The following DPP10 variants were observed in gnomAD, a reference collection of about 807,000 sequenced individuals.
DPP10 encodes inactive dipeptidyl peptidase 10.
DPP10 carries 33 observed loss-of-function variants against 120.9 expected under a neutral mutation model. The ratio of observed to expected loss-of-function variants is 0.27; its 90% CI spans 0.21 to 0.37. DPP10 has a LOEUF of 0.37. Among genes scored for constraint, DPP10 ranks in the 10% least tolerant of loss-of-function variants. The pLI is 1.00. For synonymous variants in DPP10, 337 were observed against 326.1 expected, an observed-to-expected ratio of 1.03 and a Z score of -0.36; for missense variants, 816 against 942.8, an observed-to-expected ratio of 0.87 and a Z score of 1.76.
At chr2:115,798,284 T>C (rs1684769306) in intron 19 of DPP10, among the ~76,000 whole-genome samples, 1 of 151,972 alleles carries the variant, frequency 6.6e-6, no homozygotes, top group Non-Finnish European at 1.5e-5. Context: ...CTGTTTTAAT[T>C]AGTTATTTGT....
intron 1 of DPP10, among the ~76,000 whole-genome samples, chr2:114,726,637 A>G (rs1702068662): frequency 6.6e-6 from 1 of 152,206 alleles, no homozygotes; most frequent in South Asian, 2.1e-4. Context: ...TATTTCAATT[A>G]TGGAAAAATA....
Position 115,842,532 on chromosome 2 carries a change from T to C in DPP10, c.*187T>C, listed in dbSNP as rs186254484. 7.1e-5 allele frequency: 41 copies of C among 573,780 alleles called. No homozygotes were observed. In the East Asian group the frequency reaches 8.5e-4, roughly 12 times the overall value. 35.5% of individuals were successfully genotyped at this position (573,780 alleles called of 1,614,324 possible). A position where few individuals can be genotyped will look rare whatever the true frequency, so the allele number is the denominator to read the frequency against. ...TCCAAGTCTACTGTGTTGCTAGGGG[T>C]GCAGAACCCGTTTCTTTGTATGAGA... On this transcript the variant is annotated 3_prime_UTR_variant, in exon 26 of 26. Transcript: ENST00000410059.
chr2:115,687,819 G>A (rs143641534), intron 5 of DPP10, among the ~76,000 whole-genome samples: 1 of 152,148 alleles, frequency 6.6e-6, no homozygotes, highest in East Asian at 1.9e-4. Flanking sequence ...CAGTTGTTAG[G>A]TCTCAGTGTC....
At chr2:114,961,033 CTTTTTTTTTTTTTTTTT>C (rs772146022) in intron 1 of DPP10, among the ~76,000 whole-genome samples, 14 of 52,024 alleles carry the variant, frequency 2.7e-4, no homozygotes, top group African/African-American at 7.5e-4. Context: ...CTCTATACGC[CTTTTTTTTTTTTTTTTT>C]TTTTTTTTTT....
At chr2:114,495,877 A>G (rs1352317667) in intron 1 of DPP10, among the ~76,000 whole-genome samples, 2 of 152,202 alleles carry the variant, frequency 1.3e-5, no homozygotes, top group South Asian at 2.1e-4. Context: ...AACTGAATAT[A>G]TAGATAGACA....
intron 3 of DPP10, among the ~76,000 whole-genome samples, chr2:115,440,087 A>G (rs956987559): frequency 6.6e-6 from 1 of 151,866 alleles, no homozygotes; most frequent in Admixed American, 6.6e-5. Flanking sequence ...TTTTCTTAGT[A>G]TGATGCCTAT....
intron 1 of DPP10, among the ~76,000 whole-genome samples, chr2:114,868,574 C>T (rs1690426621): frequency 6.6e-6 from 1 of 152,134 alleles, no homozygotes; most frequent in African/African-American, 2.4e-5. Flanking sequence ...TATACAAGGA[C>T]ACACACTTGG....
At chr2:114,928,530 C>T (rs564901985) in intron 1 of DPP10, among the ~76,000 whole-genome samples, 52 of 152,270 alleles carry the variant, frequency 3.4e-4, no homozygotes, top group Middle Eastern at 3.4e-3. Context: ...CATGGCTTTG[C>T]TGGGTGCAAT....
intron 1 of DPP10, among the ~76,000 whole-genome samples, chr2:114,897,766 A>G (rs1228690269): frequency 6.6e-5 from 10 of 152,254 alleles, no homozygotes; most frequent in Admixed American, 2.0e-4. Context: ...ATCACTGGCC[A>G]TTAGAGAAAT....
At chr2:114,858,929 T>TG (rs1193044073) in intron 1 of DPP10, among the ~76,000 whole-genome samples, 8 of 152,294 alleles carry the variant, frequency 5.3e-5, no homozygotes, top group African/African-American at 1.7e-4. Flanking sequence ...TCTCCCCACA[T>TG]GGAGTCTATC....
intron 1 of DPP10, among the ~76,000 whole-genome samples, chr2:114,836,933 G>T (rs112509229): frequency 6.6e-6 from 1 of 152,110 alleles, no homozygotes; most frequent in Admixed American, 6.5e-5. Context: ...TGTTCCACCC[G>T]GTCACTGGTG....
chr2:115,837,307 T>G (rs1689637135), intron 24 of DPP10, among the ~76,000 whole-genome samples: 1 of 152,192 alleles, frequency 6.6e-6, no homozygotes, highest in Non-Finnish European at 1.5e-5. Flanking sequence ...ATGTTAGTAG[T>G]AATAAATAAT....
chr2:114,904,042 A>G (rs928296077), intron 1 of DPP10, among the ~76,000 whole-genome samples: 1 of 152,234 alleles, frequency 6.6e-6, no homozygotes, highest in African/African-American at 2.4e-5. Flanking sequence ...AAATACTGCT[A>G]CAACAAATAC....
intron 1 of DPP10, among the ~76,000 whole-genome samples, chr2:114,776,520 G>A (rs185984344): frequency 3.7e-4 from 57 of 152,190 alleles, no homozygotes; most frequent in Non-Finnish European, 2.8e-4. Context: ...AGGAGCTAGC[G>A]CTAGATCTGA....
chr2:114,501,664 A>G (rs1279528194), intron 1 of DPP10, among the ~76,000 whole-genome samples: 1 of 152,178 alleles, frequency 6.6e-6, no homozygotes, highest in Non-Finnish European at 1.5e-5. Context: ...ACTACGCCCC[A>G]TTAGGTGTCT....
chr2:115,806,007 C>T (rs548201842), intron 19 of DPP10, among the ~76,000 whole-genome samples: 21 of 152,248 alleles, frequency 1.4e-4, no homozygotes, highest in African/African-American at 5.1e-4. Flanking sequence ...TCATGTTGGA[C>T]AACTACTAAG....
At chr2:114,836,617 A>G (rs1687759919) in intron 1 of DPP10, among the ~76,000 whole-genome samples, 1 of 152,212 alleles carries the variant, frequency 6.6e-6, no homozygotes, top group South Asian at 2.1e-4. Context: ...TAAATTGCTA[A>G]TGAAGTTTCG....
chr2:114,711,159 T>C (rs1027053957), intron 1 of DPP10, among the ~76,000 whole-genome samples: 8 of 152,160 alleles, frequency 5.3e-5, no homozygotes, highest in Non-Finnish European at 1.2e-4. Context: ...CCATCAACGT[T>C]TGAGTGCCCT....
chr2:114,775,390 G>T (rs1442505785), intron 1 of DPP10, among the ~76,000 whole-genome samples: 1 of 152,140 alleles, frequency 6.6e-6, no homozygotes, highest in African/African-American at 2.4e-5. Flanking sequence ...TTCTAAAAGG[G>T]AGTTTGTGGT....
Sources: allele counts gnomAD v4.1 joint callset (sites outside exome capture counted in the v4.1 genomes callset), GRCh38; gene constraint gnomAD v4.1.1; transcripts MANE v1.5; gene names NCBI Gene and HGNC (gene_info 2026-07-23, HGNC 2026-07-21).